The following ROBO2 variants were observed in gnomAD, a reference collection of about 807,000 sequenced individuals.
ROBO2 encodes the protein roundabout guidance receptor 2, also known as roundabout homolog 2.
In ROBO2, 53 loss-of-function variants were observed where a neutral mutation model predicts 160.8. The ratio of observed to expected loss-of-function variants is 0.33; its 90% CI spans 0.26 to 0.41. ROBO2 has a LOEUF of 0.41. ROBO2 is among the 10% of genes least tolerant of loss of function. The probability of loss-of-function intolerance (pLI) is 1.00; values close to 1 mark genes in which losing one functional copy is unlikely to be tolerated. For synonymous variants in ROBO2, 664 were observed against 611.7 expected, an observed-to-expected ratio of 1.09 and a Z score of -1.26; for missense variants, 1,577 against 1,722.4, an observed-to-expected ratio of 0.92 and a Z score of 1.49.
chr3:76,147,564 C>G (rs2071964545), intron 2 of ROBO2, among the ~76,000 whole-genome samples: 1 of 152,046 alleles, frequency 6.6e-6, no homozygotes, highest in African/African-American at 2.4e-5. Flanking sequence ...ACCCCCAACT[C>G]TACTCAAAGT....
chr3:76,704,141 A>G (rs1206061078), intron 2 of ROBO2, among the ~76,000 whole-genome samples: 1 of 152,134 alleles, frequency 6.6e-6, no homozygotes, highest in Non-Finnish European at 1.5e-5. Flanking sequence ...GTCAAGTTTC[A>G]GAGCATCATT....
At chr3:76,781,418 G>T (rs1447510600) in intron 2 of ROBO2, among the ~76,000 whole-genome samples, 1 of 150,574 alleles carries the variant, frequency 6.6e-6, no homozygotes, top group Non-Finnish European at 1.5e-5. Context: ...TTGACTAATT[G>T]TTCTGGCTAG....
chr3:77,259,314 G>GT (rs1340036828), intron 2 of ROBO2, among the ~76,000 whole-genome samples: 3 of 152,202 alleles, frequency 2.0e-5, no homozygotes, highest in African/African-American at 7.2e-5. Flanking sequence ...TTCATAGAAT[G>GT]TAAGCACCAT....
At chr3:76,580,509 A>G (rs2085633045) in intron 2 of ROBO2, among the ~76,000 whole-genome samples, 1 of 151,714 alleles carries the variant, frequency 6.6e-6, no homozygotes, top group African/African-American at 2.4e-5. Context: ...TAAATATCTT[A>G]CTCTACTTTG....
chr3:76,158,961 A>G (rs1375473403), intron 2 of ROBO2, among the ~76,000 whole-genome samples: 1 of 152,194 alleles, frequency 6.6e-6, no homozygotes, highest in African/African-American at 2.4e-5. Context: ...GAGAACTGCC[A>G]AATTAGACTT....
chr3:76,250,067 T>G (rs1029006755), intron 2 of ROBO2, among the ~76,000 whole-genome samples: 1 of 152,038 alleles, frequency 6.6e-6, no homozygotes, highest in African/African-American at 2.4e-5. Flanking sequence ...GACCAATGAA[T>G]AATGGAGGTC....
intron 2 of ROBO2, among the ~76,000 whole-genome samples, chr3:76,146,799 C>T (rs2071915069): frequency 7.9e-6 from 1 of 126,066 alleles, no homozygotes; most frequent in South Asian, 2.9e-4. Flanking sequence ...ACCCACTGCC[C>T]AAGGTAACTC....
chr3:76,809,229 A>T (rs1490542594), intron 2 of ROBO2, among the ~76,000 whole-genome samples: 1 of 152,090 alleles, frequency 6.6e-6, no homozygotes, highest in Non-Finnish European at 1.5e-5. Flanking sequence ...CAGAGGCTTG[A>T]CTGGGGAAAA....
intron 2 of ROBO2, among the ~76,000 whole-genome samples, chr3:77,358,899 G>A (rs1404258204): frequency 1.3e-5 from 2 of 152,150 alleles, no homozygotes; most frequent in Admixed American, 1.3e-4. Context: ...ATTATAGTAG[G>A]TCTGCAAGAT....
At chr3:76,573,156 G>A (rs2085057852) in intron 2 of ROBO2, among the ~76,000 whole-genome samples, 1 of 152,094 alleles carries the variant, frequency 6.6e-6, no homozygotes, top group Non-Finnish European at 1.5e-5. Flanking sequence ...AAAGGGCATG[G>A]ATTTGAGGTC....
intron 2 of ROBO2, among the ~76,000 whole-genome samples, chr3:76,064,203 C>G (rs749197776): frequency 1.1e-4 from 16 of 152,168 alleles, no homozygotes; most frequent in Admixed American, 3.3e-4. Context: ...CACTCAGATT[C>G]CTGACCCATG....
intron 2 of ROBO2, among the ~76,000 whole-genome samples, chr3:76,874,528 A>T (rs2072490971): frequency 1.3e-5 from 2 of 152,194 alleles, no homozygotes; most frequent in Non-Finnish European, 2.9e-5. Context: ...CTGATTGTCA[A>T]GCTAGCAGAG....
intron 20 of ROBO2, among the ~76,000 whole-genome samples, chr3:77,607,173 TATG>T (rs1693360657): frequency 6.6e-6 from 1 of 152,230 alleles, no homozygotes; most frequent in African/African-American, 2.4e-5. Context: ...TGGAATATTA[TATG>T]ATGTTATGCT....
intron 2 of ROBO2, among the ~76,000 whole-genome samples, chr3:76,240,306 G>T (rs1341572284): frequency 6.6e-6 from 1 of 151,312 alleles, no homozygotes; most frequent in Non-Finnish European, 1.5e-5. Context: ...ACAGGCCCCA[G>T]TGTGTGATGT....
intron 2 of ROBO2, among the ~76,000 whole-genome samples, chr3:76,555,425 G>GAAGAAGAAGAAGAA (rs1399867100): frequency 0.035 from 2,368 of 68,004 alleles, 227 homozygotes; most frequent in Middle Eastern, 0.056. Flanking sequence ...AAGAAAGAAG[G>GAAGAAGAAGAAGAA]AGAAGGGGAA....
intron 2 of ROBO2, among the ~76,000 whole-genome samples, chr3:75,942,764 TAAG>T: frequency 6.6e-6 from 1 of 152,266 alleles, no homozygotes; most frequent in South Asian, 2.1e-4. Flanking sequence ...TACAGCAGTT[TAAG>T]AATACCAGTG....
chr3:77,496,558 A>G (rs2086810920), intron 5 of ROBO2, among the ~76,000 whole-genome samples: 1 of 152,182 alleles, frequency 6.6e-6, no homozygotes, highest in African/African-American at 2.4e-5. Flanking sequence ...TTGTTCTTGT[A>G]TAAGCAATTG....
intron 2 of ROBO2, among the ~76,000 whole-genome samples, chr3:77,015,455 A>C (rs1014318904): frequency 1.3e-5 from 2 of 152,182 alleles, no homozygotes; most frequent in African/African-American, 2.4e-5. Flanking sequence ...AATGTCTCCT[A>C]AAAGGTCAGT....
intron 2 of ROBO2, among the ~76,000 whole-genome samples, chr3:77,370,478 G>C (rs2071577931): frequency 6.6e-6 from 1 of 152,106 alleles, no homozygotes; most frequent in Non-Finnish European, 1.5e-5. Flanking sequence ...TTTTTCTGGT[G>C]CTGCAGCTTT....
Sources: allele counts gnomAD v4.1 joint callset (sites outside exome capture counted in the v4.1 genomes callset), GRCh38; gene constraint gnomAD v4.1.1; transcripts MANE v1.5; gene names NCBI Gene and HGNC (gene_info 2026-07-23, HGNC 2026-07-21).